RSF1: variants seen among roughly 807,000 people sequenced by gnomAD.
The protein encoded by RSF1 is remodeling and spacing factor 1, also known as HBV pX-associated protein 8.
RSF1 carries 13 observed loss-of-function variants against 145.2 expected under a neutral mutation model. That is an observed-to-expected ratio of 0.09 (90% CI 0.06 to 0.14). The LOEUF (loss-of-function observed/expected upper bound fraction) is 0.14. Among genes scored for constraint, RSF1 ranks in the 10% least tolerant of loss-of-function variants. The pLI is 1.00. For synonymous variants in RSF1, 577 were observed against 592.6 expected (o/e 0.97, Z 0.38); for missense variants, 1,517 against 1,718.2 (o/e 0.88, Z 2.07).
chr11:77,781,379 G>A (rs746679192), intron 1 of RSF1, among the ~76,000 whole-genome samples: 6 of 152,202 alleles, frequency 3.9e-5, no homozygotes, highest in Non-Finnish European at 8.8e-5. Flanking sequence ...AATTACAGAT[G>A]TGAGCCACTG....
intron 1 of RSF1, among the ~76,000 whole-genome samples, chr11:77,771,296 C>A (rs1046940197): frequency 2.0e-5 from 3 of 152,110 alleles, no homozygotes; most frequent in Non-Finnish European, 4.4e-5. Flanking sequence ...GAAAGGGAAA[C>A]ATGTGACACA....
intron 5 of RSF1, among the ~76,000 whole-genome samples, chr11:77,716,140 A>G (rs1440782963): frequency 2.0e-5 from 3 of 152,236 alleles, no homozygotes; most frequent in African/African-American, 4.8e-5. Flanking sequence ...TGAGGAAAAA[A>G]AAAAAGAAAG....
At chr11:77,779,468 C>T (rs1047318283) in intron 1 of RSF1, among the ~76,000 whole-genome samples, 92 of 151,940 alleles carry the variant, frequency 6.1e-4, no homozygotes, top group Admixed American at 2.0e-3. Flanking sequence ...CTGCAACCTC[C>T]GCCTCCTGGG....
At chr11:77,707,328 A>C (rs1960574725) in intron 5 of RSF1, among the ~76,000 whole-genome samples, 1 of 152,206 alleles carries the variant, frequency 6.6e-6, no homozygotes, top group South Asian at 2.1e-4. Context: ...ACTAACAGGA[A>C]GTCTTATGTA....
Position 77,664,995 on chromosome 11 carries a change from C to A in RSF1, c.*1922G>T, listed in dbSNP as rs887880286. 1 of 152,082 alleles carries A rather than the reference C, an allele frequency of 6.6e-6. No individual in the cohort carries two copies. Among genetic ancestry groups the A allele is most frequent in the Non-Finnish European group, 1.5e-5 (1 of 68,024 alleles). The allele number at this position is 152,082 out of a possible 1,614,324, so 9.4% of individuals were successfully genotyped here. ...CATTATTTTATTTTTTATACAGATA[C>A]ATACACATTGCTAGAATCAAAGCAA... On this transcript the variant is annotated 3_prime_UTR_variant, in exon 16 of 16. Coordinates refer to ENST00000308488, the MANE Select transcript of RSF1 (RefSeq NM_016578.4).
At chr11:77,812,728 G>A (rs767162756) in intron 1 of RSF1, among the ~76,000 whole-genome samples, 4 of 151,758 alleles carry the variant, frequency 2.6e-5, no homozygotes, top group Non-Finnish European at 4.4e-5. Flanking sequence ...TCTCTACTAA[G>A]AATGCAAAAA....
upstream of RSF1, chr11:77,820,890 T>A (rs562917883): frequency 6.1e-6 from 4 of 661,124 alleles, no homozygotes; most frequent in African/African-American, 7.4e-5. Context: ...CCCGGAGCAG[T>A]CGAGAACCGA....
intron 5 of RSF1, among the ~76,000 whole-genome samples, chr11:77,711,992 T>C (rs999626418): frequency 2.3e-4 from 34 of 145,312 alleles, no homozygotes; most frequent in Admixed American, 2.3e-3. Flanking sequence ...TTTGGTGTTT[T>C]CTCTAGATTA....
At chr11:77,827,220 A>G in the RSF1 span, among the ~76,000 whole-genome samples, 2 of 152,246 alleles carry the variant, frequency 1.3e-5, no homozygotes, top group African/African-American at 2.4e-5. Context: ...AAAAGTTGAA[A>G]TAGGAATCAA....
intron 2 of RSF1, among the ~76,000 whole-genome samples, chr11:77,755,791 G>A (rs1948109912): frequency 6.6e-6 from 1 of 152,048 alleles, no homozygotes; most frequent in Non-Finnish European, 1.5e-5. Context: ...TGTTGGCCAG[G>A]CTAGTCTTGA....
intron 15 of RSF1, among the ~76,000 whole-genome samples, chr11:77,670,342 G>C (rs1959488243): frequency 6.6e-6 from 1 of 152,040 alleles, no homozygotes; most frequent in African/African-American, 2.4e-5. Context: ...TCTTCTTTTA[G>C]ATAAGTGCAT....
chr11:77,834,572 G>A, the RSF1 span, among the ~76,000 whole-genome samples: 25 of 149,862 alleles, frequency 1.7e-4, no homozygotes, highest in East Asian at 9.9e-4. Context: ...ATACCACCTC[G>A]TTCAGCTAAT....
chr11:77,796,111 T>C (rs1948570011), intron 1 of RSF1, among the ~76,000 whole-genome samples: 1 of 151,974 alleles, frequency 6.6e-6, no homozygotes, highest in African/African-American at 2.4e-5. Flanking sequence ...TCTTTTTTAT[T>C]AGTATTCCAA....
chr11:77,759,698 G>A (rs1948151857), intron 2 of RSF1, among the ~76,000 whole-genome samples: 1 of 152,022 alleles, frequency 6.6e-6, no homozygotes, highest in South Asian at 2.1e-4. Flanking sequence ...AAAAGAAAAA[G>A]AAAATCCTTT....
At chr11:77,697,439 T>C (rs1960302573) in intron 7 of RSF1, among the ~76,000 whole-genome samples, 1 of 141,330 alleles carries the variant, frequency 7.1e-6, no homozygotes, top group African/African-American at 2.6e-5. Flanking sequence ...CTGCAAATTA[T>C]ATATATATAT....
intron 6 of RSF1, among the ~76,000 whole-genome samples, chr11:77,700,349 C>CAAAAAAAAAAAAAA (rs71046906): frequency 2.1e-5 from 1 of 47,196 alleles, no homozygotes; most frequent in African/African-American, 7.7e-5. Flanking sequence ...GACTGTCTCA[C>CAAAAAAAAAAAAAA]AAAAAAAAAA....
At chr11:77,746,551 G>A (rs1948004281) in intron 3 of RSF1, among the ~76,000 whole-genome samples, 1 of 151,902 alleles carries the variant, frequency 6.6e-6, no homozygotes, top group Non-Finnish European at 1.5e-5. Context: ...TACTAATTAG[G>A]GCCAACAGTA....
At chr11:77,678,046 G>C (rs1163429782) in intron 12 of RSF1, 40 bp downstream of exon 12, 9 of 1,502,684 alleles carry the variant, frequency 6.0e-6, no homozygotes, top group Non-Finnish European at 5.6e-6. Context: ...TGAACTTCTT[G>C]GCAGAGTTCT....
chr11:77,805,798 T>C (rs1464497265), intron 1 of RSF1, among the ~76,000 whole-genome samples: 1 of 152,206 alleles, frequency 6.6e-6, no homozygotes, highest in Middle Eastern at 3.2e-3. Flanking sequence ...TTACCAGACT[T>C]CTGATTGTTT....
Sources: allele counts gnomAD v4.1 joint callset (sites outside exome capture counted in the v4.1 genomes callset), GRCh38; gene constraint gnomAD v4.1.1; transcripts MANE v1.5; gene names NCBI Gene and HGNC (gene_info 2026-07-23, HGNC 2026-07-21).